The following DERA variants were observed in gnomAD, a reference collection of about 807,000 sequenced individuals.
DERA encodes deoxyribose-phosphate aldolase.
In DERA, 15 loss-of-function variants were observed where a neutral mutation model predicts 41.1. The observed-to-expected ratio is 0.37, with a 90% confidence interval of 0.24 to 0.56. The LOEUF (loss-of-function observed/expected upper bound fraction) is 0.56, where lower values mean the gene tolerates loss of function less well. Among genes scored for constraint, DERA ranks in the 20% least tolerant of loss-of-function variants. DERA has a pLI of 0.81. For synonymous variants in DERA, 139 were observed against 137.4 expected, an observed-to-expected ratio of 1.01 and a Z score of -0.08; for missense variants, 396 against 403.4, an observed-to-expected ratio of 0.98 and a Z score of 0.16.
chr12:15,926,378 T>C (rs1338934574), intron 1 of DERA, among the ~76,000 whole-genome samples: 1 of 152,122 alleles, frequency 6.6e-6, no homozygotes, highest in East Asian at 1.9e-4. Flanking sequence ...GTGATCAGGC[T>C]CTCATTCGTC....
Position 15,963,097 on chromosome 12 carries a change from T to A in DERA, c.508+150T>A. 4.3e-6 allele frequency: 5 copies of A among 1,151,896 alleles called. No individual in the cohort carries two copies. In the South Asian group the frequency reaches 1.0e-4, roughly 24 times the overall value. 71.4% of individuals were successfully genotyped at this position (1,151,896 alleles called of 1,614,324 possible). Reference sequence around the variant, plus strand: ...AGTTTAGGAGAAAGCAGGCTAAGATTACCCATCCTTGTGCCCCTCATAAAT... The same window carrying A: ...AGTTTAGGAGAAAGCAGGCTAAGATAACCCATCCTTGTGCCCCTCATAAAT... On this transcript the variant is annotated intron_variant, in intron 5 of 8. Transcript: ENST00000428559.
chr12:15,934,307 C>T (rs997137489), intron 1 of DERA, among the ~76,000 whole-genome samples: 6 of 152,136 alleles, frequency 3.9e-5, no homozygotes, highest in African/African-American at 1.4e-4. Flanking sequence ...TTACAATAGG[C>T]CCTGCGCGGT....
chr12:15,990,510 G>T lies in DERA; in HGVS notation c.637+8074G>T, dbSNP rs1000018454. Among the ~76,000 whole-genome samples, 3 of 152,078 alleles carry T rather than the reference G, an allele frequency of 2.0e-5. No homozygotes were observed. Among genetic ancestry groups the T allele is most frequent in the African/African-American group, 7.2e-5 (3 of 41,412 alleles). Reference sequence around the variant, plus strand: ...ACAGGTTTGTTACATAGGTGAACTTGTGTCATGGGGTTTTGTTGTACAGAT... The same window carrying T: ...ACAGGTTTGTTACATAGGTGAACTTTTGTCATGGGGTTTTGTTGTACAGAT... On this transcript the variant is annotated intron_variant, in intron 6 of 8. Coordinates refer to ENST00000428559, the MANE Select transcript of DERA (RefSeq NM_015954.4). This position sits in a 1 kb window ranked among gnomAD's most constrained non-coding sequence, Gnocchi z 4.3.
In DERA at chr12:15,992,829, A is replaced by G. The variant is rs949411153; in HGVS notation, c.637+10393A>G. ...AGCGGTGGACTGTTCGCACACACTCAACAGTTAACAAGCTCCGCTCTGAAG... is the reference window on the plus strand; with the variant it reads ...AGCGGTGGACTGTTCGCACACACTCGACAGTTAACAAGCTCCGCTCTGAAG... On this transcript the variant is annotated intron_variant, in intron 6 of 8. Transcript: ENST00000428559. The surrounding 1 kb of genome is among the most constrained non-coding windows in gnomAD (Gnocchi z 4.3). Among the ~76,000 whole-genome samples the G allele has an allele frequency of 2.0e-5, 3 of 152,196 alleles. No homozygotes were observed. Among genetic ancestry groups the G allele is most frequent in the Admixed American group, 6.5e-5 (1 of 15,276 alleles).
intron 5 of DERA, among the ~76,000 whole-genome samples, chr12:15,979,780 G>C (rs901850888): frequency 2.1e-4 from 32 of 152,322 alleles, no homozygotes; most frequent in African/African-American, 7.7e-4. Flanking sequence ...GGATTAAAGA[G>C]TATAACTTCC....
In DERA at chr12:16,017,587, A is replaced by C. The variant is rs148706626; in HGVS notation, c.638-14955A>C. Among the ~76,000 whole-genome samples the C allele has an allele frequency of 1.3e-4, 20 of 152,322 alleles. No homozygotes were observed. The highest frequency in any genetic ancestry group is 4.6e-4 in the African/African-American group (19 of 41,580). On this transcript the variant is annotated intron_variant, in intron 6 of 8. Transcript: ENST00000428559. This position sits in a 1 kb window ranked among gnomAD's most constrained non-coding sequence, Gnocchi z 5.5. ...CATATGTACTCTGGCCAGTGCTTCA[A>C]CCGTAACACTGCATCTTTATTATAT...
At position 15,931,943 on chromosome 12, in the gene DERA, C is replaced by T. The variant is rs192444507; in HGVS notation, c.31+20529C>T. Reference sequence around the variant, plus strand: ...TTTCACGTGTCCGCTTCCCCTTTGACCTTTTGCCATGTTATGACTCAGCAG... The same window carrying T: ...TTTCACGTGTCCGCTTCCCCTTTGATCTTTTGCCATGTTATGACTCAGCAG... On this transcript the variant is annotated intron_variant, in intron 1 of 8. Transcript: ENST00000428559. The surrounding 1 kb of genome is among the most constrained non-coding windows in gnomAD (Gnocchi z 4.6). Among the ~76,000 whole-genome samples the T allele has an allele frequency of 6.6e-6, 1 of 152,268 alleles. No homozygotes were observed. Among genetic ancestry groups the T allele is most frequent in the Admixed American group, 6.5e-5 (1 of 15,302 alleles).
intron 1 of DERA, among the ~76,000 whole-genome samples, chr12:15,923,269 G>A (rs868137773): frequency 4.6e-5 from 7 of 151,912 alleles, no homozygotes; most frequent in African/African-American, 1.4e-4. Context: ...TGATCCGCCC[G>A]CCTCGGCCTC....
intron 6 of DERA, among the ~76,000 whole-genome samples, chr12:16,005,971 C>T (rs1397674759): frequency 6.6e-6 from 1 of 152,166 alleles, no homozygotes. Flanking sequence ...AAACATCACC[C>T]CCTCCCCATT....
rs1426953023 is a variant in DERA at position 15,959,879 on chromosome 12, G to A, written c.328G>A (p.Val110Ile). ...CVYPARVCDA[V>I]KALKAAGCNI... ...TTATCCCGCCCGGGTGTGTGATGCT[G>A]TAAAAGCACTCAAGGCTGCAGGCTG... Residue 110 changes from valine to isoleucine, a missense_variant, in exon 4 of 9, where the codon GTA becomes ATA. Val to Ile is a conservative substitution (Grantham distance 29). Coordinates refer to ENST00000428559, the MANE Select transcript of DERA (RefSeq NM_015954.4). This position sits in a 1 kb window ranked among gnomAD's most constrained non-coding sequence, Gnocchi z 4.5. 2 of 1,551,510 alleles carry A rather than the reference G, an allele frequency of 1.3e-6. No homozygotes were observed. The highest frequency in any genetic ancestry group is 1.2e-5 in the South Asian group (1 of 83,998).
In DERA at chr12:16,036,707, T is replaced by A; in HGVS notation, c.918T>A (p.Thr306=). The change falls in exon 9 of 9, where the codon ACT becomes ACA. Residue 306 remains threonine (T), a synonymous_variant. Transcript: ENST00000428559. The surrounding 1 kb of genome is among the most constrained non-coding windows in gnomAD (Gnocchi z 4.9). ...CCTCACAGATTTACCATCATGTGAC[T>A]GGAAGATATGCAGCTTATCATGATC... ...DIERQIYHHV[T]GRYAAYHDLP... is the part of the protein sequence containing the mutation. 1 of 1,604,418 alleles carries A rather than the reference T, an allele frequency of 6.2e-7. No individual in the cohort carries two copies. The highest frequency in any genetic ancestry group is 8.5e-7 in the Non-Finnish European group (1 of 1,176,662).
rs570491172 is a variant in DERA, at chr12:15,992,197, C to G, written c.637+9761C>G. On this transcript the variant is annotated intron_variant, in intron 6 of 8. Coordinates refer to ENST00000428559, the MANE Select transcript of DERA (RefSeq NM_015954.4). The surrounding 1 kb of genome is among the most constrained non-coding windows in gnomAD (Gnocchi z 4.3). ...CCTAAGAATATATTTCCATATACAC[C>G]AATGAATGAGTGAAAGAGAGAAAAA... Among the ~76,000 whole-genome samples the G allele has an allele frequency of 3.3e-5, 5 of 151,514 alleles. No individual in the cohort carries two copies. The highest frequency in any genetic ancestry group is 3.9e-4 in the East Asian group (2 of 5,152).
rs1949054976 is a variant in DERA at position 16,026,601 on chromosome 12, T to G, written c.638-5941T>G. Among the ~76,000 whole-genome samples, 1 of 150,030 alleles carries G rather than the reference T, an allele frequency of 6.7e-6. No individual in the cohort carries two copies. The highest frequency in any genetic ancestry group is 6.6e-5 in the Admixed American group (1 of 15,086). On this transcript the variant is annotated intron_variant, in intron 6 of 8. Transcript: ENST00000428559. The surrounding 1 kb of genome is among the most constrained non-coding windows in gnomAD (Gnocchi z 4.4). Reference sequence around the variant, plus strand: ...AATTGTAAATATATTTACACATTTATGTAAATATATAACATATTTTAATTA... The same window carrying G: ...AATTGTAAATATATTTACACATTTAGGTAAATATATAACATATTTTAATTA...
At chr12:15,973,778 G>C (rs1441322452) in intron 5 of DERA, among the ~76,000 whole-genome samples, 5 of 151,910 alleles carry the variant, frequency 3.3e-5, no homozygotes, top group Admixed American at 2.6e-4. Flanking sequence ...AAGGAAAAAA[G>C]CATGTTACAG....
In DERA at chr12:15,984,203, C is replaced by T. The variant is rs775348163; in HGVS notation, c.637+1767C>T. The stretch of plus-strand genomic sequence containing the variant: ...GAGCCAATCTTGTGATACCTGTTAC[C>T]CCAGCTGTTATCCTGGTCACAATGA... On this transcript the variant is annotated intron_variant, in intron 6 of 8. Coordinates refer to ENST00000428559, the MANE Select transcript of DERA (RefSeq NM_015954.4). This position sits in a 1 kb window ranked among gnomAD's most constrained non-coding sequence, Gnocchi z 4.5. 1.2e-4 allele frequency among the ~76,000 whole-genome samples: 18 copies of T among 152,212 alleles called. No individual in the cohort carries two copies. The highest frequency in any genetic ancestry group is 3.9e-4 in the Admixed American group (6 of 15,276).
In DERA at chr12:15,998,156, A is replaced by G. The variant is rs1489757118; in HGVS notation, c.637+15720A>G. On this transcript the variant is annotated intron_variant, in intron 6 of 8. Coordinates refer to ENST00000428559, the MANE Select transcript of DERA (RefSeq NM_015954.4). The surrounding 1 kb of genome is among the most constrained non-coding windows in gnomAD (Gnocchi z 4.8). ...TGTTGCAATGATCTTCCTACCAGAG[A>G]TTGTGATTTCAGGGGTCATGAACGG... is the stretch of plus-strand genomic sequence containing the variant. Among the ~76,000 whole-genome samples, 1 of 152,110 alleles carries G rather than the reference A, an allele frequency of 6.6e-6. No individual in the cohort carries two copies. The highest frequency in any genetic ancestry group is 6.5e-5 in the Admixed American group (1 of 15,268).
intron 6 of DERA, among the ~76,000 whole-genome samples, chr12:16,015,730 A>G (rs1012567540): frequency 6.6e-6 from 1 of 152,216 alleles, no homozygotes; most frequent in Non-Finnish European, 1.5e-5. Context: ...TATGGATGTC[A>G]TATTTGGCAG....
chr12:15,957,081 G>A lies in DERA; in HGVS notation c.129+48G>A. On this transcript the variant is annotated intron_variant, in intron 2 of 8. Coordinates refer to ENST00000428559, the MANE Select transcript of DERA (RefSeq NM_015954.4). The surrounding 1 kb of genome is among the most constrained non-coding windows in gnomAD (Gnocchi z 4.8). ...CTGTGCCTGTATTTTACAATGCATGGTCTCTTCCCTCAAGGCCACAATATT... is the reference window on the plus strand; with the variant it reads ...CTGTGCCTGTATTTTACAATGCATGATCTCTTCCCTCAAGGCCACAATATT... 7.1e-7 allele frequency: 1 copy of A among 1,416,096 alleles called. No homozygotes were observed. The highest frequency in any genetic ancestry group is 2.3e-5 in the East Asian group (1 of 43,698). 87.7% of individuals were successfully genotyped at this position (1,416,096 alleles called of 1,614,324 possible).
intron 6 of DERA, among the ~76,000 whole-genome samples, chr12:15,987,008 G>C (rs531833278): frequency 1.3e-5 from 2 of 152,094 alleles, no homozygotes; most frequent in South Asian, 4.1e-4. Context: ...CCATTTCTTG[G>C]AATCCCATTT....
Sources: gnomAD v4.1 joint callset for allele counts (sites outside exome capture counted in the v4.1 genomes callset) on GRCh38, gnomAD v4.1.1 for gene constraint, Gnocchi (gnomAD v3.1) non-coding constraint, MANE v1.5 for transcripts, NCBI Gene and HGNC (gene_info 2026-07-23, HGNC 2026-07-21) for gene names.